Variants in EPS8L1 observed in about 807,000 individuals in gnomAD.
EPS8L1 encodes epidermal growth factor receptor kinase substrate 8-like protein 1.
Under a neutral mutation model 91.7 loss-of-function variants are expected in EPS8L1, and 101 were observed. That is an observed-to-expected ratio of 1.10 (90% confidence interval 0.94 to 1.30). The LOEUF is 1.30. EPS8L1 is among the 50% of genes most tolerant of loss of function. The pLI is 0.00. For missense variants in EPS8L1, 1,114 were observed against 1,017.0 expected, an observed-to-expected ratio of 1.10 and a Z score of -1.30; for synonymous variants, 506 against 445.3, an observed-to-expected ratio of 1.14 and a Z score of -1.72.
chr19:55,082,886 G>A (rs1290640803), intron 12 of EPS8L1, among the ~76,000 whole-genome samples: 1 of 151,932 alleles, frequency 6.6e-6, no homozygotes, highest in Admixed American at 6.6e-5. Flanking sequence ...GGGCAGGGGC[G>A]GGGCTACGCG....
In EPS8L1 at chr19:55,081,681, TG is replaced by T; in HGVS notation, c.775-88del. ...CAGGTGTTTGGGGCGTGGCCTGATC[TG>T]GGGAAGTGTATAGGTGCTCAGGTTC... is the stretch of plus-strand genomic sequence containing the variant. On this transcript the variant is annotated intron_variant, in intron 8 of 19. Coordinates refer to ENST00000201647, the MANE Select transcript of EPS8L1 (RefSeq NM_133180.3). This position sits in a 1 kb window ranked among gnomAD's most constrained non-coding sequence, Gnocchi z 4.9. 2 of 1,513,856 alleles carry T rather than the reference TG, an allele frequency of 1.3e-6. No homozygotes were observed. Among genetic ancestry groups the T allele is most frequent in the Non-Finnish European group, 1.8e-6 (2 of 1,129,928 alleles). 93.8% of individuals were successfully genotyped at this position (1,513,856 alleles called of 1,614,324 possible). A position where few individuals can be genotyped will look rare whatever the true frequency, so the allele number is the denominator to read the frequency against.
chr19:55,080,903 C>T (rs1189699981), intron 7 of EPS8L1, 49 bp downstream of exon 7: 8 of 1,508,518 alleles, frequency 5.3e-6, no homozygotes, highest in African/African-American at 4.1e-5. Context: ...GTTTCCCCTC[C>T]TTGTGCCTCA....
At position 55,075,912 on chromosome 19, in the gene EPS8L1, G is replaced by A. The variant is rs1329384088; in HGVS notation, c.-45G>A. 6.4e-6 allele frequency: 1 copy of A among 156,312 alleles called. No individual in the cohort carries two copies. Among genetic ancestry groups the A allele is most frequent in the Non-Finnish European group, 1.4e-5 (1 of 70,978 alleles). 9.7% of individuals were successfully genotyped at this position (156,312 alleles called of 1,614,324 possible). ...CAGCGGAGAGCAGGGCAGAGCCTGA[G>A]CAGGCAGGTAAGGAGATCCGGGTCA... On this transcript the variant is annotated 5_prime_UTR_variant, in exon 1 of 20. Transcript: ENST00000201647.
In EPS8L1 at chr19:55,081,065, C is replaced by T; in HGVS notation, c.513-166C>T. 1 of 987,066 alleles carries T rather than the reference C, an allele frequency of 1.0e-6. No homozygotes were observed. Among genetic ancestry groups the T allele is most frequent in the Non-Finnish European group, 1.4e-6 (1 of 690,658 alleles). The allele number at this position is 987,066 out of a possible 1,614,324, so 61.1% of individuals were successfully genotyped here. A position where few individuals can be genotyped will look rare whatever the true frequency, so the allele number is the denominator to read the frequency against. ...CCCTGTCCAGGCCCTCAGTTTCACT[C>T]TAGAGAGGTGCTATCCCTCCGTATA... On this transcript the variant is annotated intron_variant, in intron 7 of 19. Coordinates refer to ENST00000201647, the MANE Select transcript of EPS8L1 (RefSeq NM_133180.3). The surrounding 1 kb of genome is among the most constrained non-coding windows in gnomAD (Gnocchi z 4.9).
rs1654472 is a variant in EPS8L1, at chr19:55,078,068, A to T, written c.18-20A>T. ...TGCCCCCAGTCCCACAGTCTCTCTC[A>T]TTCCTCTTTTCTTCACCAGCCCAGA... On this transcript the variant is annotated intron_variant, in intron 2 of 19. Coordinates refer to ENST00000201647, the MANE Select transcript of EPS8L1 (RefSeq NM_133180.3). 24,355 of 1,613,326 alleles carry T rather than the reference A, an allele frequency of 0.015. 3,273 individuals are homozygous for T. The African/African-American group carries it at 0.29, about 19-fold the overall frequency.
chr19:55,085,996 G>C, intron 15 of EPS8L1, 23 bp downstream of exon 15: 1 of 1,607,384 alleles, frequency 6.2e-7, no homozygotes, highest in Non-Finnish European at 8.5e-7. Flanking sequence ...GGAGGCTGAG[G>C]GGCAGGAATT....
rs574662019 is a variant in EPS8L1 at position 55,076,449 on chromosome 19, G to A, written c.5G>A (p.Ser2Asn). 33 of 1,612,330 alleles carry A rather than the reference G, an allele frequency of 2.0e-5. No individual in the cohort carries two copies. The highest frequency in any genetic ancestry group is 1.9e-4 in the African/African-American group (14 of 74,980). M[S>N]TATGPEAAPK... is the part of the protein sequence containing the mutation. ...CAGGAGCTACCACTCAGCACCATGA[G>A]CACCGCCACAGGGTAAGCGCCCCCG... is the stretch of plus-strand genomic sequence containing the variant. The change falls in exon 2 of 20, where the codon AGC (serine) becomes AAC (asparagine). Residue 2 changes from serine to asparagine, a missense_variant. Coordinates refer to ENST00000201647, the MANE Select transcript of EPS8L1 (RefSeq NM_133180.3).
chr19:55,081,860 C>A lies in EPS8L1; in HGVS notation c.862C>A (p.Arg288=), dbSNP rs1620074. The A allele has an allele frequency of 3.1e-4, 500 of 1,609,732 alleles. No individual in the cohort carries two copies. The African/African-American group carries it at 4.8e-3, about 15-fold the overall frequency. Residue 288 remains arginine, a synonymous_variant, in exon 9 of 20, where the codon CGG becomes AGG. Transcript: ENST00000201647. The surrounding 1 kb of genome is among the most constrained non-coding windows in gnomAD (Gnocchi z 4.9). ...SAEAARVLEH[R]ERGRRSRRRA... ...GGAGGCGGCCAGGGTGCTGGAGCAC[C>A]GGGAACGCGGCCGCAGGAGCCGGCG...
chr19:55,080,071 C>T, intron 5 of EPS8L1, 58 bp from the exon 6 acceptor site: 1 of 1,460,962 alleles, frequency 6.8e-7, no homozygotes, highest in Non-Finnish European at 9.1e-7. Flanking sequence ...ACTCCCGTCG[C>T]CATTTAGTAG....
Position 55,081,260 on chromosome 19 carries a change from G to A in EPS8L1, c.542G>A (p.Arg181His). 2.0e-6 allele frequency: 3 copies of A among 1,506,792 alleles called. No homozygotes were observed. The highest frequency in any genetic ancestry group is 2.2e-5 in the Admixed American group (1 of 44,912). The allele number at this position is 1,506,792 out of a possible 1,614,324, so 93.3% of individuals were successfully genotyped here. ...ACGCAGGAGGAGTTGCAGCGCGACC[G>A]CTCGCCCGCCGCTGAGACCCCGCCC... ...RATQEELQRDRSPAAETPPLQ... is the reference protein window; with the variant it reads ...RATQEELQRDHSPAAETPPLQ... Residue 181 changes from arginine (R) to histidine (H), a missense_variant, in exon 8 of 20, where the codon CGC (arginine) becomes CAC (histidine). Coordinates refer to ENST00000201647, the MANE Select transcript of EPS8L1 (RefSeq NM_133180.3). The surrounding 1 kb of genome is among the most constrained non-coding windows in gnomAD (Gnocchi z 4.9).
Position 55,087,850 on chromosome 19 carries a change from C to T in EPS8L1, c.*236C>T, listed in dbSNP as rs1415768492. The T allele has an allele frequency of 1.8e-6, 1 of 553,368 alleles. No homozygotes were observed. Among genetic ancestry groups the T allele is most frequent in the Admixed American group, 3.1e-5 (1 of 32,310 alleles). 34.3% of individuals were successfully genotyped at this position (553,368 alleles called of 1,614,324 possible). On this transcript the variant is annotated 3_prime_UTR_variant, in exon 20 of 20. Transcript: ENST00000201647. Reference sequence around the variant, plus strand: ...CAGTCTACGGAAAGCGCTAGCAGACCCCCGAGAGGGTGCAGTGGAGCCCTG... The same window carrying T: ...CAGTCTACGGAAAGCGCTAGCAGACTCCCGAGAGGGTGCAGTGGAGCCCTG...
In EPS8L1 at chr19:55,087,325, C is replaced by T. The variant is rs1308900641; in HGVS notation, c.1975C>T (p.Leu659=). The T allele has an allele frequency of 1.9e-6, 3 of 1,610,454 alleles. No homozygotes were observed. In the African/African-American group the frequency reaches 4.0e-5, roughly 21 times the overall value. ...CAGGACCGTGGACGCGCTGGGTGTG[C>T]TGACCGGGGCGCAGCTTTTCTCGCT... ...SSGTVDALGV[L]TGAQLFSLQK... Residue 659 remains leucine (L), a synonymous_variant, in exon 19 of 20, where the codon CTG becomes TTG. Transcript: ENST00000201647.
intron 18 of EPS8L1, 77 bp downstream of exon 18, chr19:55,086,965 G>C (rs1481647492): frequency 5.7e-6 from 8 of 1,392,810 alleles, no homozygotes; most frequent in Non-Finnish European, 7.4e-6. Context: ...GCCGGGAGTC[G>C]GGGGGCGGCA....
intron 3 of EPS8L1, 45 bp from the exon 4 acceptor site, chr19:55,078,954 G>A (rs1356687936): frequency 7.5e-6 from 12 of 1,605,570 alleles, no homozygotes; most frequent in East Asian, 2.2e-5. Context: ...ATGGAGGAGG[G>A]GCTGGGCCTG....
chr19:55,081,134 G>C lies in EPS8L1; in HGVS notation c.513-97G>C. The C allele has an allele frequency of 7.2e-7, 1 of 1,380,168 alleles. No homozygotes were observed. The highest frequency in any genetic ancestry group is 9.5e-7 in the Non-Finnish European group (1 of 1,051,048). The allele number at this position is 1,380,168 out of a possible 1,614,324, so 85.5% of individuals were successfully genotyped here. The stretch of plus-strand genomic sequence containing the variant: ...CGTTGAACTTGTTCACTCCCTTTGA[G>C]CCTTTTGAGCCTGTGTGTCTCGTTC... On this transcript the variant is annotated intron_variant, in intron 7 of 19. Transcript: ENST00000201647. The surrounding 1 kb of genome is among the most constrained non-coding windows in gnomAD (Gnocchi z 4.9).
chr19:55,081,979 C>T lies in EPS8L1; in HGVS notation c.901+80C>T. ...CCCCGCTCTCCCCAGGCTCTCCCCT[C>T]CCGCCACTTGCCAGGGCTGACCTCA... On this transcript the variant is annotated intron_variant, in intron 9 of 19. Coordinates refer to ENST00000201647, the MANE Select transcript of EPS8L1 (RefSeq NM_133180.3). This position sits in a 1 kb window ranked among gnomAD's most constrained non-coding sequence, Gnocchi z 4.9. The T allele has an allele frequency of 1.3e-6, 2 of 1,557,196 alleles. No individual in the cohort carries two copies. The highest frequency in any genetic ancestry group is 1.7e-6 in the Non-Finnish European group (2 of 1,149,960).
chr19:55,080,337 G>T, intron 6 of EPS8L1, 59 bp downstream of exon 6: 1 of 1,542,840 alleles, frequency 6.5e-7, no homozygotes, highest in Non-Finnish European at 8.7e-7. Context: ...CTGGAGCCGG[G>T]GCGGAAATGG....
chr19:55,087,476 G>T (rs752746451), intron 19 of EPS8L1, 41 bp downstream of exon 19: 1 of 1,614,128 alleles, frequency 6.2e-7, no homozygotes, highest in South Asian at 1.1e-5. Context: ...GTAGGGTTGG[G>T]ATGACGAGGG....
At position 55,083,716 on chromosome 19, in the gene EPS8L1, CCG is replaced by C. The variant is rs1158552118; in HGVS notation, c.1385+74_1385+75del. 3.2e-6 allele frequency: 5 copies of C among 1,546,368 alleles called. No homozygotes were observed. In the African/African-American group the frequency reaches 6.8e-5, roughly 21 times the overall value. Reference sequence around the variant, plus strand: ...GTCCCGGGGGCTCCCGATGCTGACTCCGCCCCCTTTTTTTCTGTGTTTTTCCT... The same window carrying C: ...GTCCCGGGGGCTCCCGATGCTGACTCCCCCCTTTTTTTCTGTGTTTTTCCT... On this transcript the variant is annotated intron_variant, in intron 14 of 19. Coordinates refer to ENST00000201647, the MANE Select transcript of EPS8L1 (RefSeq NM_133180.3). This position sits in a 1 kb window ranked among gnomAD's most constrained non-coding sequence, Gnocchi z 4.7.
Sources: gnomAD v4.1 joint callset for allele counts (sites outside exome capture counted in the v4.1 genomes callset) on GRCh38, gnomAD v4.1.1 for gene constraint, Gnocchi (gnomAD v3.1) non-coding constraint, MANE v1.5 for transcripts, NCBI Gene and HGNC (gene_info 2026-07-23, HGNC 2026-07-21) for gene names.